CCDC91: variants seen among roughly 807,000 people sequenced by gnomAD.
The protein encoded by CCDC91 is coiled-coil domain-containing protein 91.
In CCDC91, 48 loss-of-function variants were observed where a neutral mutation model predicts 63.2. The ratio of observed to expected loss-of-function variants is 0.76; its 90% CI spans 0.60 to 0.97. The LOEUF is 0.97. Ranked by LOEUF, CCDC91 falls within the 50% of genes least tolerant of loss-of-function variation. The probability of loss-of-function intolerance (pLI) is 0.00; values close to 1 mark genes in which losing one functional copy is unlikely to be tolerated. For missense variants in CCDC91, 500 were observed against 494.6 expected (o/e 1.01, Z -0.10); for synonymous variants, 167 against 165.8 (o/e 1.01, Z -0.06).
intron 12 of CCDC91, among the ~76,000 whole-genome samples, chr12:28,492,097 G>T (rs946914424): frequency 6.6e-6 from 1 of 151,492 alleles, no homozygotes; most frequent in Admixed American, 6.6e-5. Context: ...GAATGAAGTG[G>T]TATTACAAAT....
At chr12:28,373,680 A>G (rs1944763845) in intron 7 of CCDC91, among the ~76,000 whole-genome samples, 1 of 152,076 alleles carries the variant, frequency 6.6e-6, no homozygotes, top group Admixed American at 6.6e-5. Context: ...CAGAGACTGA[A>G]TGATTGCTTT....
chr12:28,422,821 A>C (rs1948090074), intron 8 of CCDC91, among the ~76,000 whole-genome samples: 2 of 152,138 alleles, frequency 1.3e-5, no homozygotes, highest in Non-Finnish European at 2.9e-5. Context: ...GTATATGTTC[A>C]CATTACGAAA....
chr12:28,389,522 A>C (rs1945807717), intron 7 of CCDC91, among the ~76,000 whole-genome samples: 1 of 152,196 alleles, frequency 6.6e-6, no homozygotes, highest in South Asian at 2.1e-4. Context: ...GTACAAATCA[A>C]CCCCTAGAGG....
At chr12:28,245,914 A>T (rs1177982007) in intron 1 of CCDC91, among the ~76,000 whole-genome samples, 1 of 152,198 alleles carries the variant, frequency 6.6e-6, no homozygotes, top group Non-Finnish European at 1.5e-5. Context: ...TCATAGGCAT[A>T]TACTCAAGGG....
intron 8 of CCDC91, among the ~76,000 whole-genome samples, chr12:28,401,006 A>G (rs1194175243): frequency 6.6e-6 from 1 of 151,804 alleles, no homozygotes; most frequent in East Asian, 1.9e-4. Context: ...ACTTTCCCAC[A>G]TTTTCCTATC....
In CCDC91 at chr12:28,210,822, A is replaced by T. The variant is rs1049670007; in HGVS notation, c.-15+20181A>T. On this transcript the variant is annotated intron_variant, in intron 1 of 12. Coordinates refer to ENST00000536442, the MANE Select transcript of CCDC91 (RefSeq NM_018318.5). The stretch of plus-strand genomic sequence containing the variant: ...GAAAGTACTCATTGCCTAAGCTGGG[A>T]ATTGCACCCTGAGCCAGCAGCCATT... 1.6e-4 allele frequency among the ~76,000 whole-genome samples: 25 copies of T among 152,140 alleles called. 1 individual carries two copies. Among genetic ancestry groups the T allele is most frequent in the Admixed American group, 1.3e-3 (20 of 15,284 alleles).
intron 2 of CCDC91, among the ~76,000 whole-genome samples, 163 bp downstream of exon 2, chr12:28,257,408 AC>A (rs1461615664): frequency 6.6e-6 from 1 of 152,068 alleles, no homozygotes; most frequent in African/African-American, 2.4e-5. Context: ...ATAAAAAAAA[AC>A]CCTCTAAAAA....
At position 28,362,993 on chromosome 12, in the gene CCDC91, A is replaced by ATTTT. The variant is rs1944003939; in HGVS notation, c.654+478_654+479insTTTT. Among the ~76,000 whole-genome samples, 4 of 152,312 alleles carry ATTTT rather than the reference A, an allele frequency of 2.6e-5. No individual in the cohort carries two copies. The South Asian group carries it at 8.3e-4, about 32-fold the overall frequency. On this transcript the variant is annotated intron_variant, in intron 7 of 12. Coordinates refer to ENST00000536442, the MANE Select transcript of CCDC91 (RefSeq NM_018318.5). ...AACATTAATATTTAAAATTATTTTAAAAATTATTCAATTCTGTGCCTGCAT... is the reference window on the plus strand; with the variant it reads ...AACATTAATATTTAAAATTATTTTAATTTTAAATTATTCAATTCTGTGCCTGCAT...
chr12:28,196,531 A>G (rs760864406), intron 1 of CCDC91, among the ~76,000 whole-genome samples: 2 of 152,176 alleles, frequency 1.3e-5, no homozygotes, highest in Non-Finnish European at 2.9e-5. Flanking sequence ...ATTGCTCTTC[A>G]TCTTAGTAGA....
intron 6 of CCDC91, among the ~76,000 whole-genome samples, chr12:28,358,759 C>T (rs531442405): frequency 6.6e-6 from 1 of 152,266 alleles, no homozygotes; most frequent in South Asian, 2.1e-4. Flanking sequence ...CAGGAAAAGT[C>T]TCTCTAGTAA....
intron 6 of CCDC91, among the ~76,000 whole-genome samples, chr12:28,315,172 T>TA (rs397726359): frequency 8.0e-5 from 12 of 149,318 alleles, no homozygotes; most frequent in Non-Finnish European, 1.5e-4. Flanking sequence ...TATATATATA[T>TA]TTTTGTTTTT....
intron 11 of CCDC91, among the ~76,000 whole-genome samples, chr12:28,456,202 C>T (rs1305160016): frequency 3.3e-5 from 5 of 152,100 alleles, no homozygotes; most frequent in South Asian, 2.1e-4. Context: ...CACTGTTACA[C>T]GTTTCTGACA....
At chr12:28,199,344 T>C (rs1942031098) in intron 1 of CCDC91, among the ~76,000 whole-genome samples, 1 of 152,196 alleles carries the variant, frequency 6.6e-6, no homozygotes, top group Admixed American at 6.5e-5. Flanking sequence ...TTTGTTCCTA[T>C]ATATTCCCTC....
intron 1 of CCDC91, among the ~76,000 whole-genome samples, chr12:28,239,731 G>A (rs11049475): frequency 0.26 from 39,702 of 151,792 alleles, 5,454 homozygotes; most frequent in Non-Finnish European, 0.31. Context: ...AATTATGAAG[G>A]GTACAATGAT....
At chr12:28,413,054 T>G in intron 8 of CCDC91, 1 of 194,092 alleles carries the variant, frequency 5.2e-6, no homozygotes, top group Non-Finnish European at 1.1e-5. Flanking sequence ...TCTCACAAAT[T>G]GCTGCCTCTA....
intron 12 of CCDC91, among the ~76,000 whole-genome samples, chr12:28,526,157 G>GTT (rs576086540): frequency 1.4e-5 from 2 of 142,186 alleles, no homozygotes; most frequent in African/African-American, 2.6e-5. Context: ...GTATACCTTG[G>GTT]TTTTTTTTTT....
At chr12:28,435,979 C>T (rs1369775334) in intron 8 of CCDC91, among the ~76,000 whole-genome samples, 1 of 151,750 alleles carries the variant, frequency 6.6e-6, no homozygotes. Flanking sequence ...TTTTAATCTA[C>T]ACATCTTTAC....
intron 11 of CCDC91, among the ~76,000 whole-genome samples, chr12:28,472,208 C>G (rs1950855315): frequency 6.6e-6 from 1 of 152,160 alleles, no homozygotes; most frequent in South Asian, 2.1e-4. Flanking sequence ...TGAAGCCATT[C>G]TAATAGTAGC....
At chr12:28,397,051 A>G (rs1047432310) in intron 8 of CCDC91, among the ~76,000 whole-genome samples, 2 of 152,168 alleles carry the variant, frequency 1.3e-5, no homozygotes, top group Non-Finnish European at 2.9e-5. Context: ...AAAATAATTC[A>G]ACTTTGAGAG....
Sources: gnomAD v4.1 joint callset for allele counts (sites outside exome capture counted in the v4.1 genomes callset) on GRCh38, gnomAD v4.1.1 for gene constraint, MANE v1.5 for transcripts, NCBI Gene and HGNC (gene_info 2026-07-23, HGNC 2026-07-21) for gene names.